PHACTR3: variants seen among roughly 807,000 people sequenced by gnomAD.
PHACTR3 encodes the protein phosphatase and actin regulator 3.
PHACTR3 carries 16 observed loss-of-function variants against 66.8 expected under a neutral mutation model. That is an observed-to-expected ratio of 0.24 (90% confidence interval 0.16 to 0.36). The LOEUF (loss-of-function observed/expected upper bound fraction) is 0.36. Among genes scored for constraint, PHACTR3 ranks in the 10% least tolerant of loss-of-function variants. The probability of loss-of-function intolerance (pLI) is 1.00; values close to 1 mark genes in which losing one functional copy is unlikely to be tolerated. For synonymous variants in PHACTR3, 323 were observed against 292.1 expected (o/e 1.11, Z -1.08); for missense variants, 647 against 719.9 (o/e 0.90, Z 1.16).
chr20:59,785,895 CGG>C (rs1370992049), intron 7 of PHACTR3, among the ~76,000 whole-genome samples: 16 of 11,860 alleles, frequency 1.3e-3, no homozygotes, highest in Middle Eastern at 0.071. Context: ...TGTTTTCCAA[CGG>C]CCCTCTGCAT....
chr20:59,825,245 G>T lies in PHACTR3; in HGVS notation c.1329-11260G>T, dbSNP rs931443689. On this transcript the variant is annotated intron_variant, in intron 8 of 12. Coordinates refer to ENST00000371015, the MANE Select transcript of PHACTR3 (RefSeq NM_080672.5). ...GCAGCTGTGCAAGCGTGGGACTGTG[G>T]TGTCTCTTTCACAGGCTTGGAGGGT... 5.9e-5 allele frequency among the ~76,000 whole-genome samples: 9 copies of T among 152,216 alleles called. No individual in the cohort carries two copies. In the East Asian group the frequency reaches 1.7e-3, roughly 29 times the overall value.
intron 5 of PHACTR3, 122 bp from the exon 6 acceptor site, chr20:59,773,157 G>A: frequency 8.6e-7 from 1 of 1,165,804 alleles, no homozygotes; most frequent in Non-Finnish European, 1.2e-6. Flanking sequence ...CTTGGCATTA[G>A]TTGGGGCCCC....
intron 3 of PHACTR3, 62 bp from the exon 4 acceptor site, chr20:59,755,120 G>T: frequency 2.0e-6 from 3 of 1,532,160 alleles, no homozygotes; most frequent in Non-Finnish European, 1.8e-6. Flanking sequence ...AGACTCTTGG[G>T]ACGACGGAAG....
At chr20:59,636,675 G>T (rs765357980) in intron 1 of PHACTR3, among the ~76,000 whole-genome samples, 3 of 152,192 alleles carry the variant, frequency 2.0e-5, no homozygotes, top group African/African-American at 7.2e-5. Flanking sequence ...CCTTGAGGTT[G>T]TTGTAAATAG....
intron 1 of PHACTR3, among the ~76,000 whole-genome samples, chr20:59,579,987 T>C (rs1363756720): frequency 6.6e-6 from 1 of 152,112 alleles, no homozygotes; most frequent in Non-Finnish European, 1.5e-5. Context: ...GCGCATTCCG[T>C]GCTGACCATG....
chr20:59,787,627 G>T (rs1601357884), intron 7 of PHACTR3, among the ~76,000 whole-genome samples: 1 of 152,314 alleles, frequency 6.6e-6, no homozygotes, highest in East Asian at 1.9e-4. Context: ...CCCAGGAGGA[G>T]AAGAGAGTCC....
chr20:59,705,666 A>C (rs1262375210), intron 1 of PHACTR3, among the ~76,000 whole-genome samples: 1 of 152,184 alleles, frequency 6.6e-6, no homozygotes, highest in African/African-American at 2.4e-5. Flanking sequence ...AAATGTTCCC[A>C]TGGGGCTCAT....
chr20:59,592,816 T>A lies in PHACTR3; in HGVS notation c.109+15199T>A, dbSNP rs56357925. Among the ~76,000 whole-genome samples, 862 of 150,902 alleles carry A rather than the reference T, an allele frequency of 5.7e-3. 8 individuals are homozygous for A. The highest frequency in any genetic ancestry group is 0.02 in the African/African-American group (810 of 41,006). On this transcript the variant is annotated intron_variant, in intron 1 of 12. Transcript: ENST00000359926. The stretch of plus-strand genomic sequence containing the variant: ...ATTTACATTTCCTCCATATAATTTC[T>A]TGGCTTTATAGTTCATTTTTTTTTG...
chr20:59,685,992 C>A lies in PHACTR3; in HGVS notation c.119-57115C>A, dbSNP rs530951371. ...ATGCAGGAATGAGGCATGAACAATG[C>A]AAAGATGCTGAACCATGACATGAGG... On this transcript the variant is annotated intron_variant, in intron 1 of 12. Coordinates refer to ENST00000371015, the MANE Select transcript of PHACTR3 (RefSeq NM_080672.5). Among the ~76,000 whole-genome samples, 267 of 152,308 alleles carry A rather than the reference C, an allele frequency of 1.8e-3. 1 individual carries two copies. Among genetic ancestry groups the A allele is most frequent in the Non-Finnish European group, 2.3e-3 (154 of 68,014 alleles).
chr20:59,682,810 G>A (rs1048752762), intron 1 of PHACTR3, among the ~76,000 whole-genome samples: 4 of 152,196 alleles, frequency 2.6e-5, no homozygotes, highest in African/African-American at 9.7e-5. Context: ...GGAGGAGCCC[G>A]TGGTGGCTGG....
At chr20:59,697,877 T>C (rs868176895) in intron 1 of PHACTR3, among the ~76,000 whole-genome samples, 5 of 152,204 alleles carry the variant, frequency 3.3e-5, no homozygotes, top group African/African-American at 1.2e-4. Flanking sequence ...ATTGACAATA[T>C]CAAGTGTTGG....
intron 7 of PHACTR3, among the ~76,000 whole-genome samples, chr20:59,786,205 T>C (rs1019535948): frequency 1.3e-5 from 2 of 152,260 alleles, no homozygotes; most frequent in African/African-American, 2.4e-5. Flanking sequence ...GAGTGCAGGC[T>C]AGCCTGGTGT....
At chr20:59,844,621 T>A (rs1271031627) in intron 11 of PHACTR3, 2 of 152,004 alleles carry the variant, frequency 1.3e-5, no homozygotes, top group African/African-American at 4.8e-5. Context: ...TCATGTGGGA[T>A]CAAAAAAGTT....
intron 4 of PHACTR3, among the ~76,000 whole-genome samples, chr20:59,759,128 T>A (rs707564): frequency 6.6e-6 from 1 of 152,150 alleles, no homozygotes; most frequent in African/African-American, 2.4e-5. Flanking sequence ...TCTGGTAGCA[T>A]GTGTGTTTTG....
At chr20:59,662,838 G>A (rs1409167173) in intron 1 of PHACTR3, among the ~76,000 whole-genome samples, 1 of 152,158 alleles carries the variant, frequency 6.6e-6, no homozygotes, top group Non-Finnish European at 1.5e-5. Context: ...TGACATTCAT[G>A]CCACATGGTG....
Position 59,841,448 on chromosome 20 carries a change from A to T in PHACTR3, c.1500A>T (p.Arg500=). The change falls in exon 11 of 13, where the codon CGA becomes CGT. Residue 500 remains arginine, a synonymous_variant. Coordinates refer to ENST00000371015, the MANE Select transcript of PHACTR3 (RefSeq NM_080672.5). ...DELRDRKILI[R]FSDYVEVAKA... ...TAAGAGACAGAAAAATTCTGATACG[A>T]TTCAGTGATTACGTGGAAGTAGCAA... 6.2e-7 allele frequency: 1 copy of T among 1,613,718 alleles called. No individual in the cohort carries two copies. The highest frequency in any genetic ancestry group is 1.1e-5 in the South Asian group (1 of 91,034).
chr20:59,838,227 T>G (rs1401686116), intron 9 of PHACTR3, among the ~76,000 whole-genome samples: 1 of 152,204 alleles, frequency 6.6e-6, no homozygotes, highest in African/African-American at 2.4e-5. Flanking sequence ...TTGGTTTTAC[T>G]TTTGTTCTGT....
intron 7 of PHACTR3, among the ~76,000 whole-genome samples, chr20:59,804,854 C>T (rs750866590): frequency 1.6e-4 from 24 of 152,184 alleles, no homozygotes; most frequent in African/African-American, 4.6e-4. Context: ...TTTCTATTCC[C>T]GCCTCCACAC....
chr20:59,707,486 A>T (rs1601152158), intron 1 of PHACTR3, among the ~76,000 whole-genome samples: 1 of 98,950 alleles, frequency 1.0e-5, no homozygotes, highest in Admixed American at 1.5e-4. Flanking sequence ...TTTGAGGCGG[A>T]GTCTCTCTCT....
Sources: allele counts gnomAD v4.1 joint callset (sites outside exome capture counted in the v4.1 genomes callset), GRCh38; gene constraint gnomAD v4.1.1; transcripts MANE v1.5; gene names NCBI Gene and HGNC (gene_info 2026-07-23, HGNC 2026-07-21).